Variants in CDH18 observed in about 807,000 individuals in gnomAD.
CDH18 encodes the protein cadherin 18, also known as cadherin-18.
In CDH18, 31 loss-of-function variants were observed where a neutral mutation model predicts 67.9. The observed-to-expected ratio is 0.46, with a 90% CI of 0.34 to 0.62. The LOEUF (loss-of-function observed/expected upper bound fraction) is 0.62. CDH18 is among the 20% of genes least tolerant of loss of function. The pLI is 0.01. For synonymous variants in CDH18, 362 were observed against 347.2 expected, an observed-to-expected ratio of 1.04 and a Z score of -0.48; for missense variants, 890 against 975.5, an observed-to-expected ratio of 0.91 and a Z score of 1.17.
At chr5:19,811,849 A>T (rs906608404) in intron 3 of CDH18, among the ~76,000 whole-genome samples, 1 of 152,200 alleles carries the variant, frequency 6.6e-6, no homozygotes, top group Non-Finnish European at 1.5e-5. Flanking sequence ...TGGTAATTCA[A>T]CAAAGAAGAA....
At chr5:19,853,345 T>C in intron 2 of CDH18, among the ~76,000 whole-genome samples, 1 of 152,114 alleles carries the variant, frequency 6.6e-6, no homozygotes, top group East Asian at 1.9e-4. Flanking sequence ...CAGACTGATC[T>C]TATGACTTCA....
intron 2 of CDH18, among the ~76,000 whole-genome samples, chr5:19,960,101 A>T (rs1036120399): frequency 2.0e-5 from 3 of 152,034 alleles, no homozygotes; most frequent in African/African-American, 7.3e-5. Flanking sequence ...AGTCTTTATA[A>T]ACACTGTATA....
chr5:19,596,505 T>C (rs564862416), intron 6 of CDH18, among the ~76,000 whole-genome samples: 8 of 152,200 alleles, frequency 5.3e-5, no homozygotes, highest in Non-Finnish European at 1.0e-4. Flanking sequence ...ACCTGTCAAG[T>C]AGTTAATACT....
intron 1 of CDH18, among the ~76,000 whole-genome samples, chr5:20,488,673 TTA>T (rs34690857): frequency 0.028 from 3,594 of 126,912 alleles, 66 homozygotes; most frequent in South Asian, 0.06. Flanking sequence ...GGGTAGTGTT[TTA>T]TATATATATA....
At chr5:19,816,979 A>T (rs1358361863) in intron 3 of CDH18, among the ~76,000 whole-genome samples, 1 of 151,844 alleles carries the variant, frequency 6.6e-6, no homozygotes, top group Non-Finnish European at 1.5e-5. Context: ...TTTATCACTG[A>T]CAAAGAACTA....
At chr5:20,360,065 T>C (rs1741964389) in intron 1 of CDH18, among the ~76,000 whole-genome samples, 1 of 147,814 alleles carries the variant, frequency 6.8e-6, no homozygotes, top group Admixed American at 6.8e-5. Flanking sequence ...TATATACTTA[T>C]ATTATTGTAA....
intron 10 of CDH18, among the ~76,000 whole-genome samples, chr5:19,504,642 C>A (rs187618597): frequency 1.3e-5 from 2 of 152,054 alleles, no homozygotes; most frequent in East Asian, 3.9e-4. Context: ...AATATTTAAG[C>A]AGGCATTGCA....
At chr5:20,071,407 T>C (rs1743470266) in intron 2 of CDH18, among the ~76,000 whole-genome samples, 1 of 152,082 alleles carries the variant, frequency 6.6e-6, no homozygotes, top group Admixed American at 6.6e-5. Context: ...CTTCCAAAAG[T>C]GATTACATCT....
chr5:20,437,147 G>A (rs1454450773), intron 1 of CDH18, among the ~76,000 whole-genome samples: 1 of 148,794 alleles, frequency 6.7e-6, no homozygotes, highest in Non-Finnish European at 1.5e-5. Flanking sequence ...CATTGCTTAG[G>A]AAAAAAAAAT....
chr5:20,112,324 T>A (rs1747547070), intron 2 of CDH18, among the ~76,000 whole-genome samples: 1 of 152,202 alleles, frequency 6.6e-6, no homozygotes, highest in African/African-American at 2.4e-5. Context: ...GAAACATATT[T>A]CTTGATTATG....
chr5:19,588,421 GA>G (rs1744559065), intron 7 of CDH18, among the ~76,000 whole-genome samples: 1 of 151,962 alleles, frequency 6.6e-6, no homozygotes, highest in Non-Finnish European at 1.5e-5. Flanking sequence ...AATATGGAAA[GA>G]AAAACTTGTT....
At chr5:19,825,871 C>T (rs913842153) in intron 3 of CDH18, among the ~76,000 whole-genome samples, 1 of 152,040 alleles carries the variant, frequency 6.6e-6, no homozygotes, top group Non-Finnish European at 1.5e-5. Flanking sequence ...GGCAAGAGTT[C>T]TTAACCAGGA....
At chr5:19,728,060 C>G (rs952228877) in intron 4 of CDH18, among the ~76,000 whole-genome samples, 19 of 152,104 alleles carry the variant, frequency 1.2e-4, no homozygotes, top group Admixed American at 1.2e-3. Flanking sequence ...TTACCCTCTA[C>G]GTGCTAGACT....
chr5:20,007,383 A>T (rs915233479), intron 2 of CDH18, among the ~76,000 whole-genome samples: 1 of 152,090 alleles, frequency 6.6e-6, no homozygotes, highest in Non-Finnish European at 1.5e-5. Flanking sequence ...CTTAGGCATC[A>T]TTCCACAAAA....
chr5:19,908,112 A>T (rs1790728286), intron 2 of CDH18, among the ~76,000 whole-genome samples: 1 of 152,088 alleles, frequency 6.6e-6, no homozygotes, highest in East Asian at 1.9e-4. Flanking sequence ...TAAAAATCAT[A>T]TTCAGAAGGC....
intron 2 of CDH18, among the ~76,000 whole-genome samples, chr5:19,941,174 C>T (rs1794775642): frequency 6.6e-6 from 1 of 151,910 alleles, no homozygotes; most frequent in Non-Finnish European, 1.5e-5. Flanking sequence ...CAGAAAGCTG[C>T]CTTGCCCCTT....
chr5:20,481,399 A>T (rs1261659351), intron 1 of CDH18, among the ~76,000 whole-genome samples: 1 of 152,122 alleles, frequency 6.6e-6, no homozygotes, highest in African/African-American at 2.4e-5. Flanking sequence ...TAGCAATAGG[A>T]TTGACCATCC....
intron 2 of CDH18, among the ~76,000 whole-genome samples, chr5:19,909,165 T>C (rs1024044872): frequency 1.3e-5 from 2 of 152,200 alleles, no homozygotes; most frequent in African/African-American, 2.4e-5. Flanking sequence ...ACACGTTTCC[T>C]GGTGAACTGA....
At chr5:19,637,828 T>G (rs898452131) in intron 5 of CDH18, among the ~76,000 whole-genome samples, 6 of 152,212 alleles carry the variant, frequency 3.9e-5, no homozygotes, top group African/African-American at 1.4e-4. Context: ...GTATTCAGAC[T>G]TGACCCTAAT....
Sources: gnomAD v4.1 joint callset for allele counts (sites outside exome capture counted in the v4.1 genomes callset) on GRCh38, gnomAD v4.1.1 for gene constraint, MANE v1.5 for transcripts, NCBI Gene and HGNC (gene_info 2026-07-23, HGNC 2026-07-21) for gene names.